SPAG16: variants seen among roughly 807,000 people sequenced by gnomAD.
The protein encoded by SPAG16 is sperm-associated antigen 16 protein.
Under a neutral mutation model 80.4 loss-of-function variants are expected in SPAG16, and 86 were observed. The observed-to-expected ratio is 1.07, with a 90% CI of 0.90 to 1.28. SPAG16 has a LOEUF of 1.28. SPAG16 is among the 50% of genes most tolerant of loss of function. The pLI is 0.00. For synonymous variants in SPAG16, 294 were observed against 265.9 expected (o/e 1.11, Z -1.03); for missense variants, 870 against 765.3 (o/e 1.14, Z -1.61).
At chr2:213,441,824 A>G (rs2070979382) in intron 9 of SPAG16, among the ~76,000 whole-genome samples, 1 of 152,194 alleles carries the variant, frequency 6.6e-6, no homozygotes, top group Non-Finnish European at 1.5e-5. Context: ...CCACTTTCCT[A>G]TATTCCAGCA....
chr2:213,516,067 A>G (rs2075411313), intron 10 of SPAG16, among the ~76,000 whole-genome samples: 1 of 152,226 alleles, frequency 6.6e-6, no homozygotes, highest in Admixed American at 6.5e-5. Context: ...AGTGATGCCT[A>G]TAAAGCCGGA....
Position 213,497,963 on chromosome 2 carries a change from G to T in SPAG16, c.1070+7873G>T, listed in dbSNP as rs555956706. On this transcript the variant is annotated intron_variant, in intron 10 of 15. Transcript: ENST00000331683. The stretch of plus-strand genomic sequence containing the variant: ...ATACTGGTATTTCCTATTACATACT[G>T]TATAACAGAAAGGGAAATGCAAGTT... Among the ~76,000 whole-genome samples the T allele has an allele frequency of 4.9e-4, 75 of 152,144 alleles. 1 individual carries two copies. In the Middle Eastern group the frequency reaches 0.01, roughly 21 times the overall value.
chr2:213,923,025 T>G (rs1004133667), intron 11 of SPAG16, among the ~76,000 whole-genome samples: 1 of 152,146 alleles, frequency 6.6e-6, no homozygotes, highest in Non-Finnish European at 1.5e-5. Context: ...GCAGGTGTGG[T>G]CCATCTGGCT....
chr2:213,340,201 G>A lies in SPAG16; in HGVS notation c.575G>A (p.Arg192His), dbSNP rs113652456. 3.0e-5 allele frequency: 49 copies of A among 1,612,018 alleles called. No homozygotes were observed. Among genetic ancestry groups the A allele is most frequent in the African/African-American group, 1.7e-4 (13 of 74,860 alleles). The change falls in exon 6 of 16, where the codon CGT becomes CAT. Residue 192 changes from arginine (R) to histidine (H), a missense_variant. Coordinates refer to ENST00000331683, the MANE Select transcript of SPAG16 (RefSeq NM_024532.5). ...GATTTGCTGAAAATTCAGAAAGAAC[G>A]TGATTTTCATCGAATGCATCATAAG... ...REDLLKIQKE[R>H]DFHRMHHKRI...
chr2:213,651,520 T>C (rs146157073), intron 10 of SPAG16, among the ~76,000 whole-genome samples: 1 of 152,220 alleles, frequency 6.6e-6, no homozygotes, highest in African/African-American at 2.4e-5. Flanking sequence ...CACTGCACCA[T>C]GGTAATCAGT....
At chr2:214,328,952 C>A (rs909036972) in intron 15 of SPAG16, among the ~76,000 whole-genome samples, 1 of 151,884 alleles carries the variant, frequency 6.6e-6, no homozygotes, top group Non-Finnish European at 1.5e-5. Flanking sequence ...AGGAAACTAG[C>A]CTAAATTTTT....
chr2:213,929,958 A>T lies in SPAG16; in HGVS notation c.1215-2A>T, dbSNP rs757100359. 1.2e-6 allele frequency: 2 copies of T among 1,600,900 alleles called. No individual in the cohort carries two copies. The highest frequency in any genetic ancestry group is 3.5e-5 in the Admixed American group (2 of 57,006). On this transcript the variant is annotated splice_acceptor_variant, in intron 11 of 15. Coordinates refer to ENST00000331683, the MANE Select transcript of SPAG16 (RefSeq NM_024532.5). LOFTEE classifies it high-confidence loss of function. The stretch of plus-strand genomic sequence containing the variant: ...GCTGTCTTTTTATGTTTTTGCAAAT[A>T]GTGGCGACAAATTGGCTACTTCAAG...
chr2:213,295,920 A>C (rs1340412365), intron 1 of SPAG16, 144 bp from the exon 2 acceptor site: 3 of 577,934 alleles, frequency 5.2e-6, no homozygotes, highest in East Asian at 3.1e-5. Context: ...GGGGAAGACA[A>C]ATTTTTTAAA....
intron 12 of SPAG16, among the ~76,000 whole-genome samples, chr2:213,975,702 T>C (rs1335260716): frequency 2.0e-5 from 3 of 151,926 alleles, no homozygotes; most frequent in Non-Finnish European, 4.4e-5. Context: ...GAGGAAAAAT[T>C]CTACCAAAAT....
At chr2:214,386,706 A>T (rs1700775103) in intron 15 of SPAG16, among the ~76,000 whole-genome samples, 2 of 152,054 alleles carry the variant, frequency 1.3e-5, no homozygotes, top group Admixed American at 1.3e-4. Flanking sequence ...TACAAAAAAT[A>T]AAAAAGTTTT....
At chr2:214,071,695 T>C (rs77124485) in intron 13 of SPAG16, among the ~76,000 whole-genome samples, 1 of 152,116 alleles carries the variant, frequency 6.6e-6, no homozygotes, top group African/African-American at 2.4e-5. Flanking sequence ...AATTTGGTGT[T>C]GTAGATTGCT....
intron 9 of SPAG16, among the ~76,000 whole-genome samples, chr2:213,486,893 T>G (rs2074003053): frequency 6.6e-6 from 1 of 152,010 alleles, no homozygotes; most frequent in Admixed American, 6.5e-5. Context: ...AATAGCAATA[T>G]AAATAGATAA....
At chr2:213,981,699 G>A (rs1389291606) in intron 12 of SPAG16, among the ~76,000 whole-genome samples, 2 of 151,958 alleles carry the variant, frequency 1.3e-5, no homozygotes, top group Non-Finnish European at 2.9e-5. Context: ...TTAATGTGAA[G>A]AGCGCAACAA....
At chr2:213,697,137 G>C (rs775549203) in intron 10 of SPAG16, among the ~76,000 whole-genome samples, 27 of 152,092 alleles carry the variant, frequency 1.8e-4, no homozygotes, top group Non-Finnish European at 3.4e-4. Flanking sequence ...AGTTTAGGTA[G>C]GTAGGTAAAT....
At chr2:213,302,445 T>C (rs1262322822) in intron 3 of SPAG16, 1 of 152,122 alleles carries the variant, frequency 6.6e-6, no homozygotes, top group Non-Finnish European at 1.5e-5. Context: ...ATTATAATGT[T>C]TTGTTTTTGC....
At chr2:213,415,741 G>C (rs2069217447) in intron 9 of SPAG16, among the ~76,000 whole-genome samples, 1 of 152,182 alleles carries the variant, frequency 6.6e-6, no homozygotes, top group African/African-American at 2.4e-5. Context: ...TATGACGTGA[G>C]GGAATTTGGA....
intron 15 of SPAG16, among the ~76,000 whole-genome samples, chr2:214,216,617 G>T (rs2058440106): frequency 1.3e-5 from 2 of 152,216 alleles, no homozygotes; most frequent in Non-Finnish European, 2.9e-5. Context: ...ACTGCGCCCG[G>T]CCAGTGCTGT....
chr2:213,732,147 C>T (rs150910015), intron 10 of SPAG16, among the ~76,000 whole-genome samples: 1,523 of 152,230 alleles, frequency 0.01, 26 homozygotes, highest in African/African-American at 0.035. Context: ...AGCCAGTTTT[C>T]CCAGCACCAT....
intron 10 of SPAG16, among the ~76,000 whole-genome samples, chr2:213,814,970 CTT>C (rs1281224107): frequency 6.6e-6 from 1 of 151,808 alleles, no homozygotes; most frequent in African/African-American, 2.4e-5. Context: ...TAGTAGGAGA[CTT>C]TAACAATTCT....
Sources: gnomAD v4.1 joint callset for allele counts (sites outside exome capture counted in the v4.1 genomes callset) on GRCh38, gnomAD v4.1.1 for gene constraint, MANE v1.5 for transcripts, NCBI Gene and HGNC (gene_info 2026-07-23, HGNC 2026-07-21) for gene names.